Variants in SNAP91 observed in about 807,000 individuals in gnomAD.
SNAP91 encodes the protein synaptosome associated protein 91.
SNAP91 carries 27 observed loss-of-function variants against 100.3 expected under a neutral mutation model. The observed-to-expected ratio is 0.27, with a 90% CI of 0.20 to 0.37. The LOEUF is 0.37. SNAP91 is among the 10% of genes least tolerant of loss of function. The probability of loss-of-function intolerance (pLI) is 1.00; values close to 1 mark genes in which losing one functional copy is unlikely to be tolerated. For synonymous variants in SNAP91, 404 were observed against 398.6 expected (o/e 1.01, Z -0.16); for missense variants, 986 against 1,123.7 (o/e 0.88, Z 1.75).
intron 27 of SNAP91, 43 bp from the exon 28 acceptor site, chr6:83,560,251 C>T: frequency 7.4e-7 from 1 of 1,359,146 alleles, no homozygotes; most frequent in Non-Finnish European, 1.0e-6. Context: ...ATGAGTGGAA[C>T]TCACTAGGGC....
At chr6:83,672,466 T>C (rs895889452) in intron 2 of SNAP91, among the ~76,000 whole-genome samples, 4 of 152,138 alleles carry the variant, frequency 2.6e-5, no homozygotes, top group African/African-American at 7.2e-5. Flanking sequence ...AACACTGTCA[T>C]TTGTGGTAAT....
intron 2 of SNAP91, among the ~76,000 whole-genome samples, chr6:83,688,415 T>G (rs2099088683): frequency 6.6e-6 from 1 of 152,178 alleles, no homozygotes; most frequent in Non-Finnish European, 1.5e-5. Flanking sequence ...CCTTCCTTTC[T>G]TTTTACTGTA....
Position 83,560,851 on chromosome 6 carries a change from C to T in SNAP91, c.2526+13G>A, listed in dbSNP as rs374737673. 29 of 1,610,384 alleles carry T rather than the reference C, an allele frequency of 1.8e-5. No individual in the cohort carries two copies. Among genetic ancestry groups the T allele is most frequent in the Middle Eastern group, 1.6e-4 (1 of 6,082 alleles). On this transcript the variant is annotated intron_variant, in intron 27 of 29. Coordinates refer to ENST00000369694, the MANE Select transcript of SNAP91 (RefSeq NM_001242792.2). ...AATGTTGATTACAATTTTTAGCACA[C>T]GTCATCACTCACCATTCCAAATCCT...
chr6:83,575,702 G>A (rs1430854800), intron 25 of SNAP91: 1 of 262,196 alleles, frequency 3.8e-6, no homozygotes, highest in Non-Finnish European at 7.1e-6. Flanking sequence ...TAAAATTCAT[G>A]TTAGCTAGAA....
At chr6:83,581,113 A>AT (rs1744828159) in intron 23 of SNAP91, among the ~76,000 whole-genome samples, 1 of 152,200 alleles carries the variant, frequency 6.6e-6, no homozygotes, top group African/African-American at 2.4e-5. Context: ...AATCTAAATA[A>AT]TTTACTCTGA....
At chr6:83,635,274 CTT>C (rs2097384669) in intron 8 of SNAP91, among the ~76,000 whole-genome samples, 1 of 152,082 alleles carries the variant, frequency 6.6e-6, no homozygotes, top group African/African-American at 2.4e-5. Context: ...GGCTGTCTGT[CTT>C]TTATTAGGTC....
At position 83,560,120 on chromosome 6, in the gene SNAP91, G is replaced by A. The variant is rs202051437; in HGVS notation, c.2615C>T (p.Ala872Val). 6.2e-7 allele frequency: 1 copy of A among 1,613,852 alleles called. No individual in the cohort carries two copies. Among genetic ancestry groups the A allele is most frequent in the Admixed American group, 1.7e-5 (1 of 60,004 alleles). Residue 872 changes from alanine to valine, a missense_variant, in exon 28 of 30, where the codon GCT (alanine) becomes GTT (valine). Ala to Val is a moderately conservative substitution (Grantham distance 64). Around this residue, in one of 4 missense-constraint regions of SNAP91, gnomAD observed 71 missense variants for 68.5 expected, o/e 1.04. Transcript: ENST00000369694. Reference sequence around the variant, plus strand: ...GAAACTGACCTGCGTGCCAGGTACAGCGGCAGCTCCAAAGGGGGGCCTCAT... The same window carrying A: ...GAAACTGACCTGCGTGCCAGGTACAACGGCAGCTCCAAAGGGGGGCCTCAT... ...PMMRPPFGAA[A>V]VPGTQLSPSP...
At chr6:83,662,449 A>G (rs2098558399) in intron 3 of SNAP91, 27 bp from the exon 4 acceptor site, 1 of 933,578 alleles carries the variant, frequency 1.1e-6, no homozygotes, top group Non-Finnish European at 1.5e-6. Flanking sequence ...AGAATTAAAC[A>G]CACATTTTAA....
At chr6:83,659,646 G>A (rs2098495369) in intron 5 of SNAP91, among the ~76,000 whole-genome samples, 1 of 151,802 alleles carries the variant, frequency 6.6e-6, no homozygotes, top group African/African-American at 2.4e-5. Context: ...TGCCCAGGCT[G>A]GTCTTAAACT....
intron 7 of SNAP91, among the ~76,000 whole-genome samples, chr6:83,656,001 T>C (rs2098395762): frequency 6.6e-6 from 1 of 152,154 alleles, no homozygotes; most frequent in Non-Finnish European, 1.5e-5. Flanking sequence ...AAGAAAGAAA[T>C]CTTCACAGTG....
chr6:83,565,018 A>G (rs1403021639), intron 26 of SNAP91, among the ~76,000 whole-genome samples: 2 of 150,896 alleles, frequency 1.3e-5, no homozygotes, highest in African/African-American at 4.9e-5. Flanking sequence ...TCTGATAAGC[A>G]TCTAGTATCC....
chr6:83,664,726 A>G (rs2128761630), intron 3 of SNAP91, among the ~76,000 whole-genome samples: 1 of 152,290 alleles, frequency 6.6e-6, no homozygotes, highest in East Asian at 1.9e-4. Flanking sequence ...TAAACAGCTG[A>G]TAAAGCAATA....
chr6:83,580,441 A>G lies in SNAP91; in HGVS notation c.2299+9T>C. 6.3e-7 allele frequency: 1 copy of G among 1,583,260 alleles called. No homozygotes were observed. The highest frequency in any genetic ancestry group is 8.5e-7 in the Non-Finnish European group (1 of 1,171,070). On this transcript the variant is annotated intron_variant, in intron 24 of 29. Coordinates refer to ENST00000369694, the MANE Select transcript of SNAP91 (RefSeq NM_001242792.2). ...GTTAAAGAAAAAAAAAAAAAACTAG[A>G]TTACTCACTGCCTACTAAGCTGGCA...
Position 83,682,497 on chromosome 6 carries a change from G to A in SNAP91, c.131-16916C>T, listed in dbSNP as rs558246655. 3.9e-5 allele frequency among the ~76,000 whole-genome samples: 6 copies of A among 152,038 alleles called. No individual in the cohort carries two copies. In the East Asian group the frequency reaches 1.2e-3, roughly 29 times the overall value. ...GCTGGGATTATAGGCTTGAGCCACT[G>A]CACCTGGCCTATCTCTTTATTTCTT... On this transcript the variant is annotated intron_variant, in intron 2 of 29. Transcript: ENST00000369694.
intron 7 of SNAP91, among the ~76,000 whole-genome samples, chr6:83,644,365 T>C (rs1562484342): frequency 6.6e-6 from 1 of 152,166 alleles, no homozygotes; most frequent in Non-Finnish European, 1.5e-5. Flanking sequence ...GGCAACATGT[T>C]CTATTTCACT....
At chr6:83,658,106 A>G (rs527736791) in intron 6 of SNAP91, among the ~76,000 whole-genome samples, 19 of 152,082 alleles carry the variant, frequency 1.2e-4, no homozygotes, top group South Asian at 2.1e-4. Context: ...TAATTTTTTT[A>G]TTTTAAGATA....
At chr6:83,692,035 A>C (rs958323720) in intron 2 of SNAP91, among the ~76,000 whole-genome samples, 1 of 152,176 alleles carries the variant, frequency 6.6e-6, no homozygotes, top group Non-Finnish European at 1.5e-5. Context: ...ATCTTCCTAG[A>C]ATAAACTATC....
chr6:83,657,336 C>T (rs1043410718), intron 6 of SNAP91, among the ~76,000 whole-genome samples: 1 of 152,132 alleles, frequency 6.6e-6, no homozygotes, highest in Non-Finnish European at 1.5e-5. Flanking sequence ...TCACCTATTC[C>T]AAACTACTCT....
intron 2 of SNAP91, among the ~76,000 whole-genome samples, chr6:83,676,314 C>T (rs181879979): frequency 9.4e-4 from 143 of 151,942 alleles, no homozygotes; most frequent in African/African-American, 3.4e-3. Context: ...CATACAATGT[C>T]GAGCACAGAT....
Sources: gnomAD v4.1 joint callset for allele counts (sites outside exome capture counted in the v4.1 genomes callset) on GRCh38, gnomAD v4.1.1 for gene constraint, gnomAD v4.1.1 regional missense constraint, MANE v1.5 for transcripts, NCBI Gene and HGNC (gene_info 2026-07-23, HGNC 2026-07-21) for gene names.